ABCA1: variants seen among roughly 807,000 people sequenced by gnomAD.
ABCA1 encodes the protein ATP binding cassette subfamily A member 1.
ABCA1 carries 133 observed loss-of-function variants against 262.5 expected under a neutral mutation model. The observed-to-expected ratio is 0.51, with a 90% CI of 0.44 to 0.59. The LOEUF (loss-of-function observed/expected upper bound fraction) is 0.59, where lower values mean the gene tolerates loss of function less well. Among genes scored for constraint, ABCA1 ranks in the 20% least tolerant of loss-of-function variants. The probability of loss-of-function intolerance (pLI) is 0.00; values close to 1 mark genes in which losing one functional copy is unlikely to be tolerated. For missense variants in ABCA1, 2,452 were observed against 2,777.5 expected (o/e 0.88, Z 2.63); for synonymous variants, 1,022 against 1,043.5 (o/e 0.98, Z 0.40).
At chr9:104,794,825 T>A (rs935094857) in intron 39 of ABCA1, among the ~76,000 whole-genome samples, 1 of 152,212 alleles carries the variant, frequency 6.6e-6, no homozygotes. Context: ...TCCCTTAGCA[T>A]TTGAAAAGCA....
chr9:104,846,840 A>C (rs77864495), intron 7 of ABCA1, among the ~76,000 whole-genome samples: 2,570 of 152,300 alleles, frequency 0.017, 40 homozygotes, highest in Non-Finnish European at 0.026. Context: ...AGAGGTGTTC[A>C]TGATTGTTCC....
intron 7 of ABCA1, among the ~76,000 whole-genome samples, chr9:104,848,294 T>C (rs1835071284): frequency 6.6e-6 from 1 of 152,104 alleles, no homozygotes; most frequent in African/African-American, 2.4e-5. Context: ...AGCTACTGTA[T>C]CAGAATCACC....
chr9:104,827,472 T>G (rs1217500959), intron 15 of ABCA1, among the ~76,000 whole-genome samples: 4 of 152,206 alleles, frequency 2.6e-5, no homozygotes, highest in Non-Finnish European at 5.9e-5. Flanking sequence ...TCAACTGGTT[T>G]CTCCTTATAT....
intron 1 of ABCA1, among the ~76,000 whole-genome samples, chr9:104,926,585 GC>G (rs928106874): frequency 1.3e-5 from 2 of 152,146 alleles, no homozygotes; most frequent in Admixed American, 1.3e-4. Flanking sequence ...ACCTAGTAGA[GC>G]CGGCCGATTC....
chr9:104,917,848 T>C (rs1233223839), intron 1 of ABCA1, among the ~76,000 whole-genome samples: 3 of 152,234 alleles, frequency 2.0e-5, no homozygotes, highest in Non-Finnish European at 4.4e-5. Flanking sequence ...GAAGTCTCAT[T>C]GTCAGCTGGG....
chr9:104,925,101 G>GGGCGC (rs1370488259), intron 1 of ABCA1, among the ~76,000 whole-genome samples: 2 of 152,046 alleles, frequency 1.3e-5, no homozygotes, highest in Non-Finnish European at 2.9e-5. Context: ...TCCAGGGGTC[G>GGGCGC]GGCGCGGTGC....
chr9:104,792,855 C>G lies in ABCA1; in HGVS notation c.5688G>C (p.Arg1896Ser). 1 of 1,614,118 alleles carries G rather than the reference C, an allele frequency of 6.2e-7. No individual in the cohort carries two copies. Among genetic ancestry groups the G allele is most frequent in the South Asian group, 1.1e-5 (1 of 91,076 alleles). ...CATCAAGAATTCTCTGTCTTTCCCG[C>G]CTCACATCTTCATCTTCATCATTCA... The part of the protein sequence containing the change: ...SPLNDEDEDV[R>S]RERQRILDGG... The change falls in exon 42 of 50, where the codon AGG becomes AGC. Residue 1896 changes from arginine (R) to serine (S), a missense_variant. Arg to Ser is a moderately radical substitution (Grantham distance 110, BLOSUM62 -1). Around this residue, in one of 4 missense-constraint regions of ABCA1, gnomAD observed 752 missense variants for 944.5 expected, o/e 0.80. Coordinates refer to ENST00000374736, the MANE Select transcript of ABCA1 (RefSeq NM_005502.4).
chr9:104,859,387 A>G (rs1836144483), intron 6 of ABCA1, among the ~76,000 whole-genome samples: 1 of 146,806 alleles, frequency 6.8e-6, no homozygotes, highest in South Asian at 2.1e-4. Flanking sequence ...TACGTGGTCC[A>G]GTGGACCACA....
At chr9:104,797,947 G>A (rs1830040078) in intron 37 of ABCA1, among the ~76,000 whole-genome samples, 1 of 152,134 alleles carries the variant, frequency 6.6e-6, no homozygotes, top group South Asian at 2.1e-4. Context: ...CCCCATATTG[G>A]TCCAAATAGA....
At chr9:104,867,794 T>C (rs1453970433) in intron 5 of ABCA1, among the ~76,000 whole-genome samples, 2 of 152,196 alleles carry the variant, frequency 1.3e-5, no homozygotes, top group Admixed American at 6.5e-5. Flanking sequence ...GACCAATCAT[T>C]CCACACAAGA....
chr9:104,794,249 G>T, intron 40 of ABCA1, 138 bp downstream of exon 40: 1 of 1,318,556 alleles, frequency 7.6e-7, no homozygotes. Context: ...GTTGGCATGA[G>T]CCCTGTCACT....
At chr9:104,921,931 G>T (rs1303841401) in intron 1 of ABCA1, among the ~76,000 whole-genome samples, 3 of 152,188 alleles carry the variant, frequency 2.0e-5, no homozygotes, top group Non-Finnish European at 4.4e-5. Flanking sequence ...TCTAATGGAA[G>T]TAAAGAGAAG....
At position 104,892,115 on chromosome 9, in the gene ABCA1, C is replaced by T. The variant is rs543896874; in HGVS notation, c.67-2920G>A. Among the ~76,000 whole-genome samples the T allele has an allele frequency of 3.4e-4, 51 of 150,514 alleles. No individual in the cohort carries two copies. The South Asian group carries it at 9.9e-3, about 29-fold the overall frequency. ...AACTATCAAGAATAGTTTGCATAGACGGCACAACAGAATGAAAAATAAAGG... is the reference window on the plus strand; with the variant it reads ...AACTATCAAGAATAGTTTGCATAGATGGCACAACAGAATGAAAAATAAAGG... On this transcript the variant is annotated intron_variant, in intron 2 of 49. Transcript: ENST00000374736.
rs984380687 is a variant in ABCA1 at position 104,799,356 on chromosome 9, G to C, written c.4943+463C>G. On this transcript the variant is annotated intron_variant, in intron 36 of 49. Transcript: ENST00000374736. ...AACCCAGATCTGTATGACTCCAAAG[G>C]CTGCATACTTTAAACTAGCTCATCC... 8 of 744,802 alleles carry C rather than the reference G, an allele frequency of 1.1e-5. No individual in the cohort carries two copies. In the African/African-American group the frequency reaches 1.2e-4, roughly 11 times the overall value. The allele number at this position is 744,802 out of a possible 1,614,324, so 46.1% of individuals were successfully genotyped here. A position where few individuals can be genotyped will look rare whatever the true frequency, so the allele number is the denominator to read the frequency against.
In ABCA1 at chr9:104,800,569, G is replaced by A. The variant is rs1285576587; in HGVS notation, c.4714C>T (p.Arg1572Ter). The change falls in exon 35 of 50, where the codon CGA (arginine) becomes TGA (stop). Residue 1572 changes from arginine (R) to a stop codon, truncating the protein, a stop_gained. Coordinates refer to ENST00000374736, the MANE Select transcript of ABCA1 (RefSeq NM_005502.4). LOFTEE classifies it high-confidence loss of function. ...LKLAKDSSADRFLNSLGRFMT... is the reference protein window; with the variant it reads ...LKLAKDSSAD ...AATCTTCCCAAGCTGTTGAGAAATC[G>A]ATCTGCAGAACTGTCCTGTAAACAA... 4.3e-6 allele frequency: 7 copies of A among 1,614,076 alleles called. No homozygotes were observed. The highest frequency in any genetic ancestry group is 1.7e-5 in the Admixed American group (1 of 60,020).
chr9:104,872,903 C>T lies in ABCA1; in HGVS notation c.421+10136G>A, dbSNP rs139332365. ...ATACACACTATTCTGTAATCGAATGCAATTGTGTTTTCTATTCTTGTCTGA... is the reference window on the plus strand; with the variant it reads ...ATACACACTATTCTGTAATCGAATGTAATTGTGTTTTCTATTCTTGTCTGA... On this transcript the variant is annotated intron_variant, in intron 5 of 49. Transcript: ENST00000374736. 4.9e-3 allele frequency among the ~76,000 whole-genome samples: 743 copies of T among 152,354 alleles called. 4 individuals carry two copies. Among genetic ancestry groups the T allele is most frequent in the Middle Eastern group, 0.01 (3 of 294 alleles).
Position 104,827,068 on chromosome 9 carries a change from G to C in ABCA1, c.2217C>G (p.Leu739=), listed in dbSNP as rs750398659. The C allele has an allele frequency of 3.7e-6, 6 of 1,614,208 alleles. No individual in the cohort carries two copies. The highest frequency in any genetic ancestry group is 5.1e-6 in the Non-Finnish European group (6 of 1,180,036). ...CTGCTGCCAGGTTGGCTCTGGAGAA[G>C]AGTGTGCTAATCAGGAAGCACTGCA... ...TILQCFLIST[L]FSRANLAAAC... is the part of the protein sequence containing the mutation. Residue 739 remains leucine (L), a synonymous_variant, in exon 16 of 50, where the codon CTC becomes CTG. Coordinates refer to ENST00000374736, the MANE Select transcript of ABCA1 (RefSeq NM_005502.4).
Position 104,837,449 on chromosome 9 carries a change from G to A in ABCA1, c.1173C>T (p.Ala391=). 6.2e-7 allele frequency: 1 copy of A among 1,614,064 alleles called. No individual in the cohort carries two copies. The highest frequency in any genetic ancestry group is 2.2e-5 in the East Asian group (1 of 44,884). Residue 391 remains alanine (A), a synonymous_variant, in exon 10 of 50, where the codon GCC becomes GCT. Transcript: ENST00000374736. ...TTACCTCAGCCATGACCTGCCTTGT[G>A]GCTGGAGTGTCAGGTGTATACAGGA... is the stretch of plus-strand genomic sequence containing the variant. ...GKILYTPDTP[A]TRQVMAEVNK...
intron 20 of ABCA1, 21 bp downstream of exon 20, chr9:104,821,354 T>G: frequency 6.2e-7 from 1 of 1,613,592 alleles, no homozygotes; most frequent in Non-Finnish European, 8.5e-7. Flanking sequence ...GGCCTATTCT[T>G]AACGTGCTGC....
Sources: allele counts gnomAD v4.1 joint callset (sites outside exome capture counted in the v4.1 genomes callset), GRCh38; gene constraint gnomAD v4.1.1; regional missense constraint gnomAD v4.1.1; transcripts MANE v1.5; gene names NCBI Gene and HGNC (gene_info 2026-07-23, HGNC 2026-07-21).